The following TEX9 variants were observed in gnomAD, a reference collection of about 807,000 sequenced individuals.
TEX9 encodes the protein testis-expressed protein 9.
Under a neutral mutation model 59.6 loss-of-function variants are expected in TEX9, and 74 were observed. That is an observed-to-expected ratio of 1.24 (90% CI 1.03 to 1.51). The LOEUF (loss-of-function observed/expected upper bound fraction) is 1.51. Among genes scored for constraint, TEX9 ranks in the 40% most tolerant of loss-of-function variants. TEX9 has a pLI of 0.00. For missense variants in TEX9, 522 were observed against 447.8 expected (o/e 1.17, Z -1.49); for synonymous variants, 186 against 152.2 (o/e 1.22, Z -1.64).
At chr15:56,429,100 A>G (rs371073729) in intron 12 of TEX9, 108 of 1,574,206 alleles carry the variant, frequency 6.9e-5, no homozygotes, top group Non-Finnish European at 8.4e-5. Flanking sequence ...TTTTGATGAT[A>G]TCATTTCTCT....
intron 1 of TEX9, among the ~76,000 whole-genome samples, chr15:56,250,457 CA>C (rs2043988383): frequency 6.6e-6 from 1 of 152,040 alleles, no homozygotes; most frequent in South Asian, 2.1e-4. Flanking sequence ...ATGCAAATGA[CA>C]AGACACACAG....
At chr15:56,390,152 T>C (rs2048139688) in intron 6 of TEX9, among the ~76,000 whole-genome samples, 1 of 151,676 alleles carries the variant, frequency 6.6e-6, no homozygotes, top group African/African-American at 2.4e-5. Flanking sequence ...AACTATACAA[T>C]AGATTGAAGA....
chr15:56,380,659 T>C (rs776229623), intron 3 of TEX9, among the ~76,000 whole-genome samples: 3 of 152,210 alleles, frequency 2.0e-5, no homozygotes, highest in Admixed American at 2.0e-4. Flanking sequence ...TTATCTTTCA[T>C]GTTTGAAGGA....
At chr15:56,358,792 G>T (rs2046736252) in intron 1 of TEX9, among the ~76,000 whole-genome samples, 2 of 152,130 alleles carry the variant, frequency 1.3e-5, no homozygotes, top group South Asian at 4.1e-4. Flanking sequence ...AATCATGGGA[G>T]TGGTGTCCCC....
chr15:56,396,790 G>C (rs1474741502), intron 9 of TEX9: 1 of 152,024 alleles, frequency 6.6e-6, no homozygotes, highest in African/African-American at 2.4e-5. Context: ...AAACTTTCTT[G>C]TCTGCTGCTA....
At chr15:56,250,699 A>T (rs1223319773) in intron 1 of TEX9, among the ~76,000 whole-genome samples, 3 of 152,190 alleles carry the variant, frequency 2.0e-5, no homozygotes, top group African/African-American at 7.2e-5. Context: ...TCTGTAGGGA[A>T]GGCCAAAATG....
exon 9 of TEX9, chr15:56,394,709 G>C: frequency 6.2e-7 from 1 of 1,609,704 alleles, no homozygotes; most frequent in Non-Finnish European, 8.5e-7. Context: ...TTTTGAAGAA[G>C]ATTTTATGAG....
At chr15:56,335,350 A>C (rs1212034074) in intron 1 of TEX9, among the ~76,000 whole-genome samples, 1 of 152,196 alleles carries the variant, frequency 6.6e-6, no homozygotes, top group African/African-American at 2.4e-5. Flanking sequence ...TTGCAACAAC[A>C]AAATGGATGG....
At chr15:56,301,677 C>T (rs537475357) in intron 1 of TEX9, among the ~76,000 whole-genome samples, 148 of 152,052 alleles carry the variant, frequency 9.7e-4, no homozygotes, top group Middle Eastern at 6.8e-3. Context: ...AACTTTTACC[C>T]TAGAATACTA....
intron 1 of TEX9, among the ~76,000 whole-genome samples, chr15:56,286,421 T>C (rs2141480606): frequency 6.6e-6 from 1 of 152,250 alleles, no homozygotes; most frequent in Non-Finnish European, 1.5e-5. Flanking sequence ...CTTGTGCCAC[T>C]AGGGCGGCAG....
downstream of TEX9, among the ~76,000 whole-genome samples, chr15:56,446,578 A>C (rs1288338239): frequency 6.6e-6 from 1 of 151,378 alleles, no homozygotes; most frequent in Non-Finnish European, 1.5e-5. Flanking sequence ...TTGTCAGTGA[A>C]TAATCAGTTA....
intron 12 of TEX9, among the ~76,000 whole-genome samples, chr15:56,445,393 T>A (rs1011189322): frequency 6.6e-6 from 1 of 152,044 alleles, no homozygotes; most frequent in Non-Finnish European, 1.5e-5. Flanking sequence ...GGCAATTTTT[T>A]AAACTACGCT....
intron 12 of TEX9, among the ~76,000 whole-genome samples, chr15:56,439,198 CACTT>C (rs1408930616): frequency 2.6e-5 from 4 of 152,022 alleles, no homozygotes; most frequent in African/African-American, 9.7e-5. Flanking sequence ...AAAAATGAAA[CACTT>C]AGATGTAACA....
intron 1 of TEX9, among the ~76,000 whole-genome samples, chr15:56,349,751 G>GTATATATATACACACGTGTA (rs2046540819): frequency 1.3e-5 from 2 of 151,702 alleles, no homozygotes; most frequent in African/African-American, 4.8e-5. Context: ...ATATGTGTGT[G>GTATATATATACACACGTGTA]TATATATATA....
At chr15:56,246,479 T>C (rs1356048195) in intron 1 of TEX9, among the ~76,000 whole-genome samples, 1 of 152,064 alleles carries the variant, frequency 6.6e-6, no homozygotes, top group Non-Finnish European at 1.5e-5. Context: ...CATTAAGAAA[T>C]CTGATGAAGT....
At chr15:56,448,354 G>A (rs1445149543), downstream of TEX9, among the ~76,000 whole-genome samples, 9 of 152,326 alleles carry the variant, frequency 5.9e-5, no homozygotes, top group East Asian at 1.3e-3. Context: ...CAGGCAGTGA[G>A]CACAGAATCA....
intron 1 of TEX9, among the ~76,000 whole-genome samples, chr15:56,271,589 A>G: frequency 6.6e-6 from 1 of 152,096 alleles, no homozygotes; most frequent in Non-Finnish European, 1.5e-5. Flanking sequence ...ATGAGTCACC[A>G]TGCCTGGCTA....
rs201901874 is a variant in TEX9, at chr15:56,429,077, A to G, written c.*29+604A>G. 48 of 1,488,608 alleles carry G rather than the reference A, an allele frequency of 3.2e-5. No homozygotes were observed. The African/African-American group carries it at 4.1e-4, about 13-fold the overall frequency. 92.2% of individuals were successfully genotyped at this position (1,488,608 alleles called of 1,614,324 possible). On this transcript the variant is annotated intron_variant, in intron 12 of 12. Coordinates refer to ENST00000352903, the Ensembl canonical transcript of TEX9. ...TCTAGTGGTAACATGCAAAAAATCT[A>G]TGCTTTACCCAATTTTGATGATATC...
chr15:56,262,629 C>T (rs1313579726), intron 1 of TEX9, among the ~76,000 whole-genome samples: 1 of 152,170 alleles, frequency 6.6e-6, no homozygotes, highest in Non-Finnish European at 1.5e-5. Context: ...ATTGGTTAAT[C>T]ATTTTGTTCA....
Sources: gnomAD v4.1 joint callset for allele counts (sites outside exome capture counted in the v4.1 genomes callset) on GRCh38, gnomAD v4.1.1 for gene constraint, MANE v1.5 for transcripts, NCBI Gene and HGNC (gene_info 2026-07-23, HGNC 2026-07-21) for gene names.